SDHAF3: variants seen among roughly 807,000 people sequenced by gnomAD.
SDHAF3 encodes succinate dehydrogenase assembly factor 3, mitochondrial.
In SDHAF3, 18 loss-of-function variants were observed where a neutral mutation model predicts 11.5. That is an observed-to-expected ratio of 1.56 (90% CI 1.08 to 2.32). SDHAF3 has a LOEUF of 2.32. Ranked by LOEUF, SDHAF3 falls within the 30% of genes most tolerant of loss-of-function variation. The probability of loss-of-function intolerance (pLI) is 0.00; values close to 1 mark genes in which losing one functional copy is unlikely to be tolerated. For missense variants in SDHAF3, 200 were observed against 154.4 expected, an observed-to-expected ratio of 1.30 and a Z score of -1.57; for synonymous variants, 72 against 59.3, an observed-to-expected ratio of 1.21 and a Z score of -0.99.
At chr7:97,135,683 T>TATATATATATATA (rs367669649) in intron 1 of SDHAF3, 2 of 62,894 alleles carry the variant, frequency 3.2e-5, no homozygotes, top group African/African-American at 1.2e-4. Flanking sequence ...TATATATATA[T>TATATATATATATA]TTTTTTTTTT....
At chr7:97,141,362 T>A (rs1214972981) in intron 1 of SDHAF3, among the ~76,000 whole-genome samples, 1 of 152,104 alleles carries the variant, frequency 6.6e-6, no homozygotes, top group Non-Finnish European at 1.5e-5. Context: ...GTACACTCCC[T>A]CCCCTTTTGA....
intron 1 of SDHAF3, among the ~76,000 whole-genome samples, chr7:97,165,128 T>C (rs184114262): frequency 1.4e-3 from 208 of 151,904 alleles, no homozygotes; most frequent in African/African-American, 4.8e-3. Context: ...ACTAAAAAAA[T>C]ACAAAAAAAT....
Position 97,150,492 on chromosome 7 carries a change from C to G in SDHAF3, c.175-30520C>G, listed in dbSNP as rs888784101. Reference sequence around the variant, plus strand: ...ACATTATTAATCTCCTTGTATAGCTCCATCAGAGCTTTTGGGTGACCAGGT... The same window carrying G: ...ACATTATTAATCTCCTTGTATAGCTGCATCAGAGCTTTTGGGTGACCAGGT... On this transcript the variant is annotated intron_variant, in intron 1 of 1. Coordinates refer to ENST00000432641, the MANE Select transcript of SDHAF3 (RefSeq NM_020186.3). 4.0e-5 allele frequency among the ~76,000 whole-genome samples: 6 copies of G among 151,896 alleles called. 1 individual carries two copies. Among genetic ancestry groups the G allele is most frequent in the African/African-American group, 1.2e-4 (5 of 41,330 alleles).
At chr7:97,153,702 G>A (rs542119580) in intron 1 of SDHAF3, among the ~76,000 whole-genome samples, 1 of 152,176 alleles carries the variant, frequency 6.6e-6, no homozygotes, top group Non-Finnish European at 1.5e-5. Context: ...ATCCTTGCCA[G>A]CGTTTTGGTG....
Position 97,181,398 on chromosome 7 carries a change from G to A in SDHAF3, c.*183G>A. 3.8e-5 allele frequency: 18 copies of A among 472,334 alleles called. No individual in the cohort carries two copies. Among genetic ancestry groups the A allele is most frequent in the South Asian group, 1.6e-4 (4 of 24,940 alleles). 29.3% of individuals were successfully genotyped at this position (472,334 alleles called of 1,614,324 possible). A position where few individuals can be genotyped will look rare whatever the true frequency, so the allele number is the denominator to read the frequency against. ...CTAGTGACAATTGAAAAAAACTATTGGAATAATAGCACTTGTATGAAATTC... is the reference window on the plus strand; with the variant it reads ...CTAGTGACAATTGAAAAAAACTATTAGAATAATAGCACTTGTATGAAATTC... On this transcript the variant is annotated 3_prime_UTR_variant, in exon 2 of 2. Coordinates refer to ENST00000432641, the MANE Select transcript of SDHAF3 (RefSeq NM_020186.3).
At chr7:97,147,737 G>A (rs997086305) in intron 1 of SDHAF3, among the ~76,000 whole-genome samples, 5 of 152,136 alleles carry the variant, frequency 3.3e-5, no homozygotes, top group Non-Finnish European at 5.9e-5. Flanking sequence ...TTATTAGAAT[G>A]TCACAGTTTG....
At chr7:97,161,070 G>A (rs1045881532) in intron 1 of SDHAF3, among the ~76,000 whole-genome samples, 8 of 152,106 alleles carry the variant, frequency 5.3e-5, no homozygotes, top group Non-Finnish European at 7.4e-5. Flanking sequence ...CTAGGCTAGC[G>A]ACATACAGTG....
chr7:97,155,296 T>C (rs1349547669), intron 1 of SDHAF3, among the ~76,000 whole-genome samples: 3 of 152,176 alleles, frequency 2.0e-5, no homozygotes, highest in Non-Finnish European at 2.9e-5. Flanking sequence ...CCTCATTCAG[T>C]CTCAGTAATA....
chr7:97,139,005 T>C (rs907030572), intron 1 of SDHAF3, among the ~76,000 whole-genome samples: 2 of 152,206 alleles, frequency 1.3e-5, no homozygotes, highest in Admixed American at 1.3e-4. Flanking sequence ...AGCCTGCCTG[T>C]GCTACAGCTC....
intron 1 of SDHAF3, among the ~76,000 whole-genome samples, chr7:97,153,512 C>T (rs1789257024): frequency 6.6e-6 from 1 of 152,114 alleles, no homozygotes; most frequent in African/African-American, 2.4e-5. Context: ...AGTAAACATC[C>T]GTTTGCAGGG....
At chr7:97,159,334 C>G (rs538323556) in intron 1 of SDHAF3, among the ~76,000 whole-genome samples, 6 of 152,298 alleles carry the variant, frequency 3.9e-5, no homozygotes, top group Admixed American at 3.3e-4. Flanking sequence ...TTTTAGATTT[C>G]CAGAAATATG....
At chr7:97,167,877 TC>T (rs1789537205) in intron 1 of SDHAF3, among the ~76,000 whole-genome samples, 1 of 151,952 alleles carries the variant, frequency 6.6e-6, no homozygotes, top group Admixed American at 6.6e-5. Context: ...TAGGGAAGGG[TC>T]CCTAGTGAAT....
intron 1 of SDHAF3, among the ~76,000 whole-genome samples, chr7:97,176,697 A>G (rs1789684119): frequency 1.3e-5 from 2 of 152,108 alleles, no homozygotes. Flanking sequence ...TCTACCCAAG[A>G]TGTTCATTCA....
At chr7:97,176,567 C>A (rs1789682018) in intron 1 of SDHAF3, among the ~76,000 whole-genome samples, 1 of 152,054 alleles carries the variant, frequency 6.6e-6, no homozygotes, top group Non-Finnish European at 1.5e-5. Flanking sequence ...TTATTTTGGC[C>A]ATTTTTCTCT....
chr7:97,153,617 A>C (rs1259325072), intron 1 of SDHAF3, among the ~76,000 whole-genome samples: 1 of 152,266 alleles, frequency 6.6e-6, no homozygotes, highest in East Asian at 1.9e-4. Context: ...TTTTGTTAGA[A>C]ATTGTAAAGT....
chr7:97,148,308 G>A (rs1356127564), intron 1 of SDHAF3, among the ~76,000 whole-genome samples: 1 of 152,178 alleles, frequency 6.6e-6, no homozygotes, highest in Non-Finnish European at 1.5e-5. Flanking sequence ...GCTGAAGCGG[G>A]AGGGCCACTT....
At chr7:97,167,889 C>A (rs181966794) in intron 1 of SDHAF3, among the ~76,000 whole-genome samples, 1 of 152,292 alleles carries the variant, frequency 6.6e-6, no homozygotes, top group African/African-American at 2.4e-5. Flanking sequence ...CCTAGTGAAT[C>A]TCTGATCCAT....
chr7:97,172,123 T>G (rs1789609259), intron 1 of SDHAF3, among the ~76,000 whole-genome samples: 1 of 152,166 alleles, frequency 6.6e-6, no homozygotes, highest in South Asian at 2.1e-4. Flanking sequence ...CTTCAAAAGT[T>G]TCTGGCCATC....
At chr7:97,175,597 T>C (rs569635682) in intron 1 of SDHAF3, among the ~76,000 whole-genome samples, 21 of 152,204 alleles carry the variant, frequency 1.4e-4, no homozygotes, top group Non-Finnish European at 2.5e-4. Context: ...ACCATACCAG[T>C]AATTTAATAG....
Sources: gnomAD v4.1 joint callset for allele counts (sites outside exome capture counted in the v4.1 genomes callset) on GRCh38, gnomAD v4.1.1 for gene constraint, MANE v1.5 for transcripts, NCBI Gene and HGNC (gene_info 2026-07-23, HGNC 2026-07-21) for gene names.